MCCC1: variants seen among roughly 807,000 people sequenced by gnomAD.
MCCC1 encodes the protein methylcrotonoyl-CoA carboxylase subunit alpha, mitochondrial.
MCCC1 carries 64 observed loss-of-function variants against 83.8 expected under a neutral mutation model. The observed-to-expected ratio is 0.76, with a 90% CI of 0.62 to 0.94. The LOEUF is 0.94. Among genes scored for constraint, MCCC1 ranks in the 40% least tolerant of loss-of-function variants. MCCC1 has a pLI of 0.00. For synonymous variants in MCCC1, 322 were observed against 315.4 expected, an observed-to-expected ratio of 1.02 and a Z score of -0.22; for missense variants, 807 against 904.7, an observed-to-expected ratio of 0.89 and a Z score of 1.39.
chr3:183,056,937 C>T (rs577863684), intron 8 of MCCC1, among the ~76,000 whole-genome samples: 2 of 152,326 alleles, frequency 1.3e-5, no homozygotes, highest in African/African-American at 4.8e-5. Flanking sequence ...TCAGGTGATC[C>T]ACCCACCTCG....
chr3:183,040,633 G>T (rs1024433194), intron 11 of MCCC1, among the ~76,000 whole-genome samples: 12 of 151,630 alleles, frequency 7.9e-5, no homozygotes, highest in African/African-American at 2.7e-4. Flanking sequence ...TGAGGCCTGA[G>T]AACTGCTTAA....
intron 9 of MCCC1, among the ~76,000 whole-genome samples, chr3:183,046,422 G>GTGAA (rs1560229948): frequency 1.2e-3 from 176 of 146,166 alleles, no homozygotes; most frequent in African/African-American, 4.2e-3. Flanking sequence ...TTTTAAGATG[G>GTGAA]AATCTCACTC....
intron 1 of MCCC1, among the ~76,000 whole-genome samples, chr3:183,109,299 G>C (rs887267801): frequency 5.9e-5 from 9 of 151,934 alleles, no homozygotes; most frequent in Non-Finnish European, 1.5e-5. Flanking sequence ...GCCATGTGTA[G>C]GTTATTTATA....
intron 1 of MCCC1, chr3:183,099,088 G>A: frequency 3.5e-6 from 2 of 579,268 alleles, no homozygotes; most frequent in East Asian, 2.9e-5. Flanking sequence ...AGGATGGCGG[G>A]CCCAGTCCTC....
chr3:183,095,041 T>G (rs1046233906), intron 1 of MCCC1, among the ~76,000 whole-genome samples: 1 of 152,154 alleles, frequency 6.6e-6, no homozygotes, highest in East Asian at 1.9e-4. Context: ...CCCAGCACTT[T>G]GGGAAGCCGA....
At chr3:183,054,999 T>A (rs1715300272) in intron 8 of MCCC1, among the ~76,000 whole-genome samples, 1 of 152,216 alleles carries the variant, frequency 6.6e-6, no homozygotes, top group Non-Finnish European at 1.5e-5. Flanking sequence ...CACTCTATGA[T>A]GTTAACACAA....
At chr3:183,099,326 C>T (rs951343484) in intron 1 of MCCC1, 26 bp downstream of exon 1, 3 of 1,576,546 alleles carry the variant, frequency 1.9e-6, no homozygotes, top group South Asian at 1.2e-5. Context: ...CGCCTCTGCC[C>T]ACTGAGCCAT....
At chr3:183,087,940 A>G (rs188133506) in intron 3 of MCCC1, among the ~76,000 whole-genome samples, 184 of 151,854 alleles carry the variant, frequency 1.2e-3, no homozygotes, top group Non-Finnish European at 2.0e-3. Context: ...GGAGCTGAGA[A>G]CAGGAATGGA....
intron 12 of MCCC1, among the ~76,000 whole-genome samples, chr3:183,038,104 A>T (rs1385256893): frequency 1.3e-5 from 2 of 152,232 alleles, no homozygotes; most frequent in Non-Finnish European, 2.9e-5. Context: ...CACTGGGGAC[A>T]TAGTGAGGAA....
chr3:183,102,745 TAGAGC>T (rs1242233579), upstream of MCCC1, among the ~76,000 whole-genome samples: 9 of 140,544 alleles, frequency 6.4e-5, no homozygotes. Flanking sequence ...TGGGAGGTCT[TAGAGC>T]AGAGAAAGTT....
upstream of MCCC1, chr3:183,099,663 G>C: frequency 1.6e-6 from 1 of 613,556 alleles, no homozygotes. Flanking sequence ...CTGGCCACGT[G>C]CTCGTGGGGG....
chr3:183,022,066 G>A (rs75512286), intron 16 of MCCC1, among the ~76,000 whole-genome samples: 4,298 of 152,202 alleles, frequency 0.028, 193 homozygotes, highest in African/African-American at 0.093. Context: ...GTTGTCAGGG[G>A]GATGGTGGGT....
chr3:183,069,265 A>G (rs891783706), intron 7 of MCCC1, among the ~76,000 whole-genome samples: 24 of 152,356 alleles, frequency 1.6e-4, no homozygotes, highest in Middle Eastern at 6.8e-3. Context: ...GACGCAATGT[A>G]TGGCTAACAT....
chr3:183,110,015 AT>A (rs1468168044), intron 1 of MCCC1, among the ~76,000 whole-genome samples: 1 of 152,022 alleles, frequency 6.6e-6, no homozygotes, highest in Non-Finnish European at 1.5e-5. Context: ...GATATTGAGA[AT>A]TTTTTTCATA....
At chr3:183,101,509 T>C (rs1436295323), upstream of MCCC1, among the ~76,000 whole-genome samples, 5 of 152,182 alleles carry the variant, frequency 3.3e-5, no homozygotes, top group African/African-American at 1.2e-4. Context: ...TTGGAGAACC[T>C]GTGTGTCGAA....
chr3:183,050,860 T>TA (rs533119823), intron 9 of MCCC1, among the ~76,000 whole-genome samples: 4 of 152,070 alleles, frequency 2.6e-5, no homozygotes, highest in East Asian at 1.9e-4. Flanking sequence ...ACAACCTGAT[T>TA]AAAAAATGGG....
intron 4 of MCCC1, among the ~76,000 whole-genome samples, chr3:183,085,559 T>C (rs1717830115): frequency 3.4e-5 from 5 of 148,764 alleles, no homozygotes. Context: ...AGCCTGGGTG[T>C]TGGAAGCTGC....
chr3:183,045,228 C>T lies in MCCC1; in HGVS notation c.1083+185G>A, dbSNP rs13088830. 0.62 allele frequency among the ~76,000 whole-genome samples: 94,523 copies of T among 151,654 alleles called. 33,202 individuals are homozygous for T. The highest frequency in any genetic ancestry group is 0.79 in the Non-Finnish European group (53,598 of 67,920). On this transcript the variant is annotated intron_variant, in intron 10 of 18. Coordinates refer to ENST00000265594, the MANE Select transcript of MCCC1 (RefSeq NM_020166.5). ...CTGAGTACCGGGGACTACAGGCACC[C>T]GGCACCACGCCCGGCTAATTTTTGT...
intron 2 of MCCC1, among the ~76,000 whole-genome samples, chr3:183,093,118 T>A (rs1476729619): frequency 1.3e-5 from 2 of 152,132 alleles, no homozygotes; most frequent in Non-Finnish European, 2.9e-5. Flanking sequence ...GGTCTCGAAC[T>A]CCTGACCTCA....
Sources: allele counts gnomAD v4.1 joint callset (sites outside exome capture counted in the v4.1 genomes callset), GRCh38; gene constraint gnomAD v4.1.1; transcripts MANE v1.5; gene names NCBI Gene and HGNC (gene_info 2026-07-23, HGNC 2026-07-21).